GRIP1: variants seen among roughly 807,000 people sequenced by gnomAD.
The protein encoded by GRIP1 is glutamate receptor interacting protein 1.
Under a neutral mutation model 129.9 loss-of-function variants are expected in GRIP1, and 45 were observed. That is an observed-to-expected ratio of 0.35 (90% CI 0.27 to 0.44). The LOEUF (loss-of-function observed/expected upper bound fraction) is 0.44, where lower values mean the gene tolerates loss of function less well. Among genes scored for constraint, GRIP1 ranks in the 20% least tolerant of loss-of-function variants. The pLI is 1.00. For missense variants in GRIP1, 1,196 were observed against 1,396.8 expected, an observed-to-expected ratio of 0.86 and a Z score of 2.29; for synonymous variants, 530 against 520.8, an observed-to-expected ratio of 1.02 and a Z score of -0.24.
chr12:66,791,599 G>GGGCCTGGTATCA (rs754885133), intron 1 of GRIP1, among the ~76,000 whole-genome samples: 1 of 152,096 alleles, frequency 6.6e-6, no homozygotes. Context: ...AATACTTGAG[G>GGGCCTGGTATCA]GGCCTGGTAT....
chr12:66,920,128 A>G (rs997690038), intron 1 of GRIP1, among the ~76,000 whole-genome samples: 7 of 152,176 alleles, frequency 4.6e-5, no homozygotes, highest in Non-Finnish European at 1.0e-4. Flanking sequence ...ACACATAGAG[A>G]TTATCAAGAA....
At chr12:66,449,087 G>A (rs1420858530) in intron 11 of GRIP1, among the ~76,000 whole-genome samples, 1 of 152,044 alleles carries the variant, frequency 6.6e-6, no homozygotes, top group Non-Finnish European at 1.5e-5. Context: ...TTTTATCCAG[G>A]CAGAATTAGG....
chr12:66,408,408 G>A (rs572038979), intron 15 of GRIP1, among the ~76,000 whole-genome samples: 2 of 152,284 alleles, frequency 1.3e-5, no homozygotes, highest in South Asian at 4.1e-4. Context: ...GAACCTGGGA[G>A]GTGCAGGTTG....
At chr12:66,829,789 C>T (rs1454741201) in intron 1 of GRIP1, among the ~76,000 whole-genome samples, 1 of 152,104 alleles carries the variant, frequency 6.6e-6, no homozygotes, top group African/African-American at 2.4e-5. Flanking sequence ...GTTAGGAAAG[C>T]CTGCAGAGAG....
At chr12:66,551,499 A>G (rs1044421037) in intron 2 of GRIP1, among the ~76,000 whole-genome samples, 7 of 151,816 alleles carry the variant, frequency 4.6e-5, no homozygotes, top group African/African-American at 7.3e-5. Flanking sequence ...TGCTTAGCAA[A>G]TTAATGAGCT....
rs115124026 is a variant in GRIP1 at position 66,396,103 on chromosome 12, G to A, written c.1985-1751C>T. 8.6e-3 allele frequency among the ~76,000 whole-genome samples: 1,303 copies of A among 152,324 alleles called. 21 individuals carry two copies. The highest frequency in any genetic ancestry group is 0.029 in the African/African-American group (1,194 of 41,564). On this transcript the variant is annotated intron_variant, in intron 16 of 24. Coordinates refer to ENST00000359742, the MANE Select transcript of GRIP1 (RefSeq NM_001366722.1). ...AAATTCTGAATGAGTCATTTGATTA[G>A]TAGTCCCTGGCACAGTTGAACATTA...
chr12:66,944,475 C>T (rs928297049), intron 1 of GRIP1, among the ~76,000 whole-genome samples: 1 of 149,954 alleles, frequency 6.7e-6, no homozygotes, highest in African/African-American at 2.5e-5. Context: ...TGACAGGGCA[C>T]TTTGCTGAAC....
intron 2 of GRIP1, among the ~76,000 whole-genome samples, chr12:66,591,524 A>G (rs1163880875): frequency 6.6e-6 from 1 of 152,082 alleles, no homozygotes; most frequent in African/African-American, 2.4e-5. Context: ...ATTTTGCCTT[A>G]GTTTCTTTGG....
chr12:66,533,163 T>C (rs1176701157), intron 4 of GRIP1, among the ~76,000 whole-genome samples: 1 of 152,104 alleles, frequency 6.6e-6, no homozygotes, highest in African/African-American at 2.4e-5. Context: ...GACCAAAAAA[T>C]TTGAAGGCAC....
intron 1 of GRIP1, among the ~76,000 whole-genome samples, chr12:66,852,437 A>C (rs2039929240): frequency 6.6e-6 from 1 of 151,760 alleles, no homozygotes; most frequent in South Asian, 2.1e-4. Context: ...TTTAGTTAGG[A>C]AAGATTTTTA....
intron 1 of GRIP1, among the ~76,000 whole-genome samples, chr12:66,747,908 G>T (rs2037000749): frequency 6.6e-6 from 1 of 152,094 alleles, no homozygotes; most frequent in Non-Finnish European, 1.5e-5. Context: ...CGGATTCAGA[G>T]ATTATAAGGA....
In GRIP1 at chr12:66,496,645, C is replaced by T. The variant is rs900684880; in HGVS notation, c.724+18974G>A. On this transcript the variant is annotated intron_variant, in intron 7 of 24. Coordinates refer to ENST00000359742, the MANE Select transcript of GRIP1 (RefSeq NM_001366722.1). ...TAATATTTACTGTTAGACTCTGGAG[C>T]TATAGTGCTCCTGAATCACTAGAAA... 4.6e-5 allele frequency among the ~76,000 whole-genome samples: 7 copies of T among 152,276 alleles called. No homozygotes were observed. The East Asian group carries it at 1.2e-3, about 25-fold the overall frequency.
At chr12:67,064,034 T>C (rs1298008736) in intron 1 of GRIP1, among the ~76,000 whole-genome samples, 3 of 152,180 alleles carry the variant, frequency 2.0e-5, no homozygotes, top group Non-Finnish European at 4.4e-5. Context: ...AGGAAAAATA[T>C]GCAATAATGG....
chr12:67,056,334 T>C (rs1189315562), intron 1 of GRIP1, among the ~76,000 whole-genome samples: 2 of 152,196 alleles, frequency 1.3e-5, no homozygotes, highest in Non-Finnish European at 2.9e-5. Flanking sequence ...TAAAATCATC[T>C]GAAGGCTCAT....
At chr12:66,878,771 A>G (rs2040424452) in intron 1 of GRIP1, among the ~76,000 whole-genome samples, 1 of 152,050 alleles carries the variant, frequency 6.6e-6, no homozygotes, top group South Asian at 2.1e-4. Context: ...AATATATAAT[A>G]TGTTATAGAG....
intron 1 of GRIP1, among the ~76,000 whole-genome samples, chr12:66,609,708 A>G (rs2064705560): frequency 6.6e-6 from 1 of 152,174 alleles, no homozygotes; most frequent in South Asian, 2.1e-4. Context: ...ATGCAATTCA[A>G]TTCCACAAAA....
At chr12:66,420,616 A>C in intron 15 of GRIP1, 104 bp downstream of exon 15, 2 of 751,468 alleles carry the variant, frequency 2.7e-6, no homozygotes, top group South Asian at 2.8e-5. Context: ...AGTTTTTGAA[A>C]ATACAGTGAC....
chr12:66,641,903 C>G (rs1429943525), intron 1 of GRIP1, among the ~76,000 whole-genome samples: 1 of 152,162 alleles, frequency 6.6e-6, no homozygotes, highest in Non-Finnish European at 1.5e-5. Flanking sequence ...TAATAGTTTT[C>G]ATAACAGCCA....
intron 7 of GRIP1, among the ~76,000 whole-genome samples, chr12:66,476,775 A>G (rs2059628172): frequency 6.6e-6 from 1 of 152,172 alleles, no homozygotes; most frequent in Non-Finnish European, 1.5e-5. Context: ...AAAGACAAAA[A>G]CTACATGATT....
Sources: gnomAD v4.1 joint callset for allele counts (sites outside exome capture counted in the v4.1 genomes callset) on GRCh38, gnomAD v4.1.1 for gene constraint, MANE v1.5 for transcripts, NCBI Gene and HGNC (gene_info 2026-07-23, HGNC 2026-07-21) for gene names.